Variants in PARG observed in about 807,000 individuals in gnomAD.
The protein encoded by PARG is poly(ADP-ribose) glycohydrolase.
In PARG, 35 loss-of-function variants were observed where a neutral mutation model predicts 113.0. The observed-to-expected ratio is 0.31, with a 90% confidence interval of 0.24 to 0.41. The LOEUF is 0.41. Among genes scored for constraint, PARG ranks in the 10% least tolerant of loss-of-function variants. The pLI is 1.00. For missense variants in PARG, 797 were observed against 1,169.4 expected, an observed-to-expected ratio of 0.68 and a Z score of 4.64; for synonymous variants, 330 against 409.9, an observed-to-expected ratio of 0.81 and a Z score of 2.36.
intron 7 of PARG, among the ~76,000 whole-genome samples, chr10:49,908,815 G>A (rs1837002323): frequency 6.6e-6 from 1 of 152,180 alleles, no homozygotes; most frequent in African/African-American, 2.4e-5. Flanking sequence ...AGGCTATCAT[G>A]GAAGGAGGCC....
intron 7 of PARG, among the ~76,000 whole-genome samples, chr10:49,911,388 C>A (rs1837173161): frequency 6.6e-6 from 1 of 151,696 alleles, no homozygotes; most frequent in African/African-American, 2.4e-5. Context: ...GTGAAAAATG[C>A]CAGGAGTAAG....
At chr10:49,899,116 T>C (rs1848235223) in intron 7 of PARG, among the ~76,000 whole-genome samples, 4 of 152,238 alleles carry the variant, frequency 2.6e-5, no homozygotes, top group Admixed American at 2.0e-4. Context: ...CTCCATTGCC[T>C]TTCAGAATCT....
intron 13 of PARG, among the ~76,000 whole-genome samples, chr10:49,846,371 A>ACG (rs782010526): frequency 8.5e-6 from 1 of 118,156 alleles, no homozygotes; most frequent in African/African-American, 3.5e-5. Flanking sequence ...GGTGATAGAC[A>ACG]TGTTTTTTTT....
At chr10:49,839,063 G>A (rs868972884) in intron 15 of PARG, among the ~76,000 whole-genome samples, 3 of 152,178 alleles carry the variant, frequency 2.0e-5, no homozygotes, top group Non-Finnish European at 2.9e-5. Flanking sequence ...TAGGCCAGGC[G>A]TGGTGGCTCA....
intron 13 of PARG, among the ~76,000 whole-genome samples, chr10:49,851,552 T>C (rs1394322982): frequency 6.6e-6 from 1 of 151,522 alleles, no homozygotes; most frequent in Non-Finnish European, 1.5e-5. Flanking sequence ...CTATCAGCTC[T>C]GCTGACATTT....
intron 8 of PARG, among the ~76,000 whole-genome samples, chr10:49,883,601 C>A (rs1186704669): frequency 6.7e-6 from 1 of 149,444 alleles, no homozygotes; most frequent in Non-Finnish European, 1.5e-5. Flanking sequence ...GAGTTCGAGA[C>A]CAGCCTGGCC....
intron 13 of PARG, among the ~76,000 whole-genome samples, chr10:49,851,795 AAAAG>A (rs1554834238): frequency 2.0e-5 from 3 of 151,468 alleles, no homozygotes; most frequent in South Asian, 2.1e-4. Context: ...AAAAAAAAAA[AAAAG>A]AAGAAATGGG....
At chr10:49,885,669 T>C (rs574048646) in intron 7 of PARG, among the ~76,000 whole-genome samples, 1 of 150,918 alleles carries the variant, frequency 6.6e-6, no homozygotes, top group South Asian at 2.1e-4. Context: ...CACCAAGGAC[T>C]TTCTGAGAAG....
chr10:49,828,095 A>ACAAAC (rs1844454459), intron 16 of PARG, among the ~76,000 whole-genome samples: 1 of 125,108 alleles, frequency 8.0e-6, no homozygotes, highest in African/African-American at 3.0e-5. Context: ...GCTTAAACAA[A>ACAAAC]AAAAAAAAAA....
rs1393845794 is a variant in PARG at position 49,832,859 on chromosome 10, G to A, written c.2591C>T (p.Ala864Val). 6.4e-7 allele frequency: 1 copy of A among 1,550,586 alleles called. No homozygotes were observed. Among genetic ancestry groups the A allele is most frequent in the Non-Finnish European group, 8.7e-7 (1 of 1,146,214 alleles). Residue 864 changes from alanine (A) to valine (V), a missense_variant, in exon 16 of 18, where the codon GCA becomes GTA. Around this residue, in one of 5 missense-constraint regions of PARG, gnomAD observed 194 missense variants for 247.1 expected, o/e 0.79. Transcript: ENST00000616448. ...RPGVSSENLS[A>V]VATGNWGCGA... ...ACAGCCCCAGTTTCCTGTGGCCACT[G>A]CAGAAAGATTCTCTGAAGAAACTCC... is the stretch of plus-strand genomic sequence containing the variant.
In PARG at chr10:49,933,487, C is replaced by G; in HGVS notation, c.961G>C (p.Glu321Gln). ...NSCQDSEADE[E>Q]TSPGFDEQED... ...TGTTCATCAAAACCTGGACTTGTCT[C>G]CTCATCTGCTTCTGAGTCTTGACAA... The change falls in exon 3 of 18, where the codon GAG (glutamate) becomes CAG (glutamine). Residue 321 changes from glutamate (E) to glutamine (Q), a missense_variant. Glu to Gln is a conservative substitution (Grantham distance 29). This residue lies in a region of PARG where 252 missense variants were observed against 437.4 expected (regional missense o/e 0.58). Transcript: ENST00000616448. 1 of 1,609,922 alleles carries G rather than the reference C, an allele frequency of 6.2e-7. No homozygotes were observed. The highest frequency in any genetic ancestry group is 8.5e-7 in the Non-Finnish European group (1 of 1,176,272).
intron 1 of PARG, among the ~76,000 whole-genome samples, chr10:49,935,662 CAGG>C (rs1250016885): frequency 1.3e-4 from 20 of 152,092 alleles, no homozygotes; most frequent in African/African-American, 4.8e-4. Context: ...CTTCAGTGAA[CAGG>C]AGAACATGGG....
In PARG at chr10:49,933,736, T is replaced by G; in HGVS notation, c.712A>C (p.Ser238Arg). Residue 238 changes from serine (S) to arginine (R), a missense_variant, in exon 3 of 18, where the codon AGC (serine) becomes CGC (arginine). Transcript: ENST00000616448. ...TCTTCCCCAGGATCGCAAGACTTGC[T>G]GCACTTCTGGTGGCTTTTGGCTTCT... ...AREAKSHQKCSKSCDPGEDCA... is the reference protein window; with the variant it reads ...AREAKSHQKCRKSCDPGEDCA... 6.2e-7 allele frequency: 1 copy of G among 1,612,688 alleles called. No individual in the cohort carries two copies. The highest frequency in any genetic ancestry group is 8.5e-7 in the Non-Finnish European group (1 of 1,178,692).
chr10:49,896,001 G>T (rs1848067751), intron 7 of PARG, among the ~76,000 whole-genome samples: 1 of 152,028 alleles, frequency 6.6e-6, no homozygotes, highest in South Asian at 2.1e-4. Context: ...GGTTTCTTGG[G>T]TTTTTCTGCA....
chr10:49,822,693 G>GA (rs1230998651), intron 16 of PARG, among the ~76,000 whole-genome samples: 12 of 151,996 alleles, frequency 7.9e-5, no homozygotes, highest in South Asian at 2.1e-4. Context: ...TACAAGAGAG[G>GA]AAAAAAATCC....
chr10:49,851,704 A>G (rs1405446380), intron 13 of PARG, among the ~76,000 whole-genome samples: 1 of 144,148 alleles, frequency 6.9e-6, no homozygotes, highest in East Asian at 2.0e-4. Context: ...AAGCAGAAAA[A>G]CAACTCTCAG....
rs1243487492 is a variant in PARG, at chr10:49,853,424, A to G, written c.2353+3882T>C. Among the ~76,000 whole-genome samples, 3 of 151,930 alleles carry G rather than the reference A, an allele frequency of 2.0e-5. No individual in the cohort carries two copies. In the South Asian group the frequency reaches 6.2e-4, roughly 32 times the overall value. On this transcript the variant is annotated intron_variant, in intron 13 of 17. Coordinates refer to ENST00000616448, the MANE Select transcript of PARG (RefSeq NM_003631.5). ...ACCTGCAGAGCTTCCCTACAATAGT[A>G]TGAGACCAATAGCCAAAGTGCTGGT...
chr10:49,934,777 A>T (rs1299926493), intron 2 of PARG, among the ~76,000 whole-genome samples: 3 of 151,744 alleles, frequency 2.0e-5, no homozygotes, highest in Non-Finnish European at 2.9e-5. Context: ...TGAACCCAGG[A>T]GGCAGAGCTT....
intron 15 of PARG, among the ~76,000 whole-genome samples, chr10:49,838,244 A>G (rs1458811406): frequency 6.6e-6 from 1 of 152,038 alleles, no homozygotes; most frequent in African/African-American, 2.4e-5. Flanking sequence ...GAGCCTGACC[A>G]ACATGGAGAA....
Sources: allele counts gnomAD v4.1 joint callset (sites outside exome capture counted in the v4.1 genomes callset), GRCh38; gene constraint gnomAD v4.1.1; regional missense constraint gnomAD v4.1.1; transcripts MANE v1.5; gene names NCBI Gene and HGNC (gene_info 2026-07-23, HGNC 2026-07-21).